The following KLHL29 variants were observed in gnomAD, a reference collection of about 807,000 sequenced individuals.
KLHL29 encodes the protein kelch like family member 29.
KLHL29 carries 21 observed loss-of-function variants against 80.4 expected under a neutral mutation model. The ratio of observed to expected loss-of-function variants is 0.26; its 90% CI spans 0.19 to 0.38. The LOEUF (loss-of-function observed/expected upper bound fraction) is 0.38, where lower values mean the gene tolerates loss of function less well. Among genes scored for constraint, KLHL29 ranks in the 10% least tolerant of loss-of-function variants. The pLI is 1.00. For synonymous variants in KLHL29, 511 were observed against 526.8 expected, an observed-to-expected ratio of 0.97 and a Z score of 0.41; for missense variants, 867 against 1,223.9, an observed-to-expected ratio of 0.71 and a Z score of 4.35.
chr2:23,580,569 GGAGGCT>G (rs1015227108), intron 3 of KLHL29, among the ~76,000 whole-genome samples: 1 of 60,142 alleles, frequency 1.7e-5, no homozygotes, highest in African/African-American at 4.1e-5. Context: ...TAGCTACTCA[GGAGGCT>G]GAGGCAACAG....
At chr2:23,565,907 G>T (rs146447644) in intron 3 of KLHL29, among the ~76,000 whole-genome samples, 66 of 152,346 alleles carry the variant, frequency 4.3e-4, no homozygotes, top group African/African-American at 1.6e-3. Context: ...TAGGCAGTGC[G>T]CAGGGTGAAC....
intron 11 of KLHL29, among the ~76,000 whole-genome samples, chr2:23,701,783 C>CT (rs1352424120): frequency 4.2e-5 from 5 of 118,490 alleles, no homozygotes; most frequent in Admixed American, 1.1e-4. Flanking sequence ...GCACACATGG[C>CT]TTTTTTTTGC....
intron 3 of KLHL29, among the ~76,000 whole-genome samples, chr2:23,590,967 T>C (rs1668244588): frequency 6.6e-6 from 1 of 152,144 alleles, no homozygotes; most frequent in Non-Finnish European, 1.5e-5. Context: ...TGAAAGCCGA[T>C]GACAAAATAA....
chr2:23,615,099 G>A (rs190777246), intron 3 of KLHL29, among the ~76,000 whole-genome samples: 1 of 152,304 alleles, frequency 6.6e-6, no homozygotes, highest in Non-Finnish European at 1.5e-5. Context: ...CTATCCAGTT[G>A]CCCTTTCAGG....
chr2:23,520,747 C>T (rs562326236), intron 2 of KLHL29, among the ~76,000 whole-genome samples: 1 of 152,336 alleles, frequency 6.6e-6, no homozygotes, highest in South Asian at 2.1e-4. Flanking sequence ...CTCTTTCATA[C>T]ATTTCTTCTT....
rs116642696 is a variant in KLHL29, at chr2:23,501,975, G to C, written c.-46+26308G>C. Reference sequence around the variant, plus strand: ...TAATTTTAATTTTAAAACATCACCTGCATTTTCAAACCAAAGAAAAAAGAC... The same window carrying C: ...TAATTTTAATTTTAAAACATCACCTCCATTTTCAAACCAAAGAAAAAAGAC... On this transcript the variant is annotated intron_variant, in intron 2 of 13. Transcript: ENST00000486442. 3.0e-3 allele frequency among the ~76,000 whole-genome samples: 453 copies of C among 152,236 alleles called. 1 individual carries two copies. Among genetic ancestry groups the C allele is most frequent in the African/African-American group, 0.01 (423 of 41,520 alleles).
chr2:23,614,271 C>A (rs905798820), intron 3 of KLHL29, among the ~76,000 whole-genome samples: 11 of 152,200 alleles, frequency 7.2e-5, no homozygotes, highest in African/African-American at 2.2e-4. Flanking sequence ...GCCCTGACCA[C>A]CCTGGACACA....
At chr2:23,401,344 G>A (rs1407124439) in intron 1 of KLHL29, among the ~76,000 whole-genome samples, 2 of 152,064 alleles carry the variant, frequency 1.3e-5, no homozygotes, top group African/African-American at 4.8e-5. Context: ...ATACACCCCC[G>A]GTCCCCACCC....
chr2:23,660,871 C>G, intron 5 of KLHL29, among the ~76,000 whole-genome samples: 1 of 150,822 alleles, frequency 6.6e-6, no homozygotes, highest in African/African-American at 2.4e-5. Flanking sequence ...ACTAAAAATA[C>G]AAAAAAAAAG....
chr2:23,512,284 AAAAATAC>A (rs1665795583), intron 2 of KLHL29, among the ~76,000 whole-genome samples: 1 of 152,114 alleles, frequency 6.6e-6, no homozygotes, highest in South Asian at 2.1e-4. Flanking sequence ...TGTCTCTACT[AAAAATAC>A]AAAATTAGCT....
intron 5 of KLHL29, among the ~76,000 whole-genome samples, chr2:23,660,133 C>T (rs1227065654): frequency 6.6e-6 from 1 of 152,132 alleles, no homozygotes; most frequent in East Asian, 1.9e-4. Flanking sequence ...CTAGGGCAGA[C>T]AGGTCTCTTC....
In KLHL29 at chr2:23,434,012, T is replaced by G. The variant is rs1001194522; in HGVS notation, c.-153-41548T>G. Among the ~76,000 whole-genome samples, 11 of 152,096 alleles carry G rather than the reference T, an allele frequency of 7.2e-5. 1 individual carries two copies. The highest frequency in any genetic ancestry group is 1.3e-4 in the Admixed American group (2 of 15,276). On this transcript the variant is annotated intron_variant, in intron 1 of 13. Coordinates refer to ENST00000486442, the MANE Select transcript of KLHL29 (RefSeq NM_052920.2). The stretch of plus-strand genomic sequence containing the variant: ...ATGTGTCTGTGGGTGTGTGCAAGTG[T>G]GTAGAGCCCTTTAAAAAGCTAGGCT...
At chr2:23,454,202 C>G (rs535767089) in intron 1 of KLHL29, among the ~76,000 whole-genome samples, 5 of 152,212 alleles carry the variant, frequency 3.3e-5, no homozygotes, top group South Asian at 2.1e-4. Context: ...TCTCCTTGCC[C>G]GAGGAGAAAG....
At chr2:23,656,965 A>G (rs1165317336) in intron 5 of KLHL29, among the ~76,000 whole-genome samples, 1 of 149,702 alleles carries the variant, frequency 6.7e-6, no homozygotes, top group African/African-American at 2.5e-5. Flanking sequence ...GGTTTCTACC[A>G]TCATCCATGC....
intron 1 of KLHL29, among the ~76,000 whole-genome samples, chr2:23,404,991 G>A (rs1402816165): frequency 1.3e-5 from 2 of 152,154 alleles, no homozygotes; most frequent in South Asian, 2.1e-4. Flanking sequence ...GTGTCAGCTT[G>A]AGCCAGACTC....
chr2:23,597,420 T>A (rs1218803936), intron 3 of KLHL29, among the ~76,000 whole-genome samples: 23 of 90,110 alleles, frequency 2.6e-4, no homozygotes, highest in African/African-American at 9.6e-4. Context: ...TTTTTTTTTT[T>A]TTTTTTTTTT....
chr2:23,608,410 A>G (rs1228192764), intron 3 of KLHL29, among the ~76,000 whole-genome samples: 1 of 149,388 alleles, frequency 6.7e-6, no homozygotes, highest in Non-Finnish European at 1.5e-5. Context: ...TTCTTCCCCT[A>G]CAAGACTGCA....
intron 6 of KLHL29, among the ~76,000 whole-genome samples, chr2:23,686,672 G>A (rs938456203): frequency 6.6e-6 from 1 of 152,126 alleles, no homozygotes; most frequent in Non-Finnish European, 1.5e-5. Context: ...ATGAGCAGTT[G>A]ACCATCTGGT....
At chr2:23,408,263 TAAAAAAAAAAAAAAAAAAAAAA>T (rs55790582) in intron 1 of KLHL29, among the ~76,000 whole-genome samples, 4 of 52,678 alleles carry the variant, frequency 7.6e-5, no homozygotes, top group South Asian at 2.3e-3. Flanking sequence ...CATTTCACGC[TAAAAAAAAAAAAAAAAAAAAAA>T]AAAAAAAAAA....
Sources: allele counts gnomAD v4.1 joint callset (sites outside exome capture counted in the v4.1 genomes callset), GRCh38; gene constraint gnomAD v4.1.1; transcripts MANE v1.5; gene names NCBI Gene and HGNC (gene_info 2026-07-23, HGNC 2026-07-21).